The following CTNNA3 variants were observed in gnomAD, a reference collection of about 807,000 sequenced individuals.
The protein encoded by CTNNA3 is catenin alpha-3.
A neutral mutation model predicts 95.7 loss-of-function variants in CTNNA3; 76 were observed. The observed-to-expected ratio is 0.79, with a 90% CI of 0.66 to 0.96. CTNNA3 has a LOEUF of 0.96. Among genes scored for constraint, CTNNA3 ranks in the 40% least tolerant of loss-of-function variants. The pLI is 0.00. For missense variants in CTNNA3, 1,191 were observed against 1,089.8 expected (o/e 1.09, Z -1.31); for synonymous variants, 431 against 374.4 (o/e 1.15, Z -1.74).
At chr10:67,208,141 G>A (rs1407961571) in intron 6 of CTNNA3, among the ~76,000 whole-genome samples, 3 of 152,124 alleles carry the variant, frequency 2.0e-5, no homozygotes, top group Non-Finnish European at 2.9e-5. Context: ...TGGAGGCTGA[G>A]GTGGGTGGAT....
At chr10:66,768,307 T>C (rs979498910) in intron 8 of CTNNA3, among the ~76,000 whole-genome samples, 1 of 152,144 alleles carries the variant, frequency 6.6e-6, no homozygotes, top group African/African-American at 2.4e-5. Context: ...AGATATGCCA[T>C]GAAGGGCCAG....
intron 15 of CTNNA3, among the ~76,000 whole-genome samples, chr10:66,056,332 C>T (rs2080087031): frequency 1.3e-5 from 2 of 152,098 alleles, no homozygotes; most frequent in South Asian, 4.1e-4. Context: ...ATGTATCACA[C>T]TTATTGATTT....
chr10:66,689,190 G>T (rs35834193), intron 9 of CTNNA3, among the ~76,000 whole-genome samples: 6 of 151,850 alleles, frequency 4.0e-5, no homozygotes, highest in Non-Finnish European at 8.8e-5. Flanking sequence ...TAGGGCAGAG[G>T]GGGAATGAAG....
chr10:66,823,389 TAA>T (rs72085518), intron 7 of CTNNA3, among the ~76,000 whole-genome samples: 1,685 of 152,018 alleles, frequency 0.011, 43 homozygotes, highest in African/African-American at 0.039. Flanking sequence ...TTATGTGAAT[TAA>T]AAAAAAATTT....
At chr10:67,210,979 C>T (rs1478063449) in intron 6 of CTNNA3, among the ~76,000 whole-genome samples, 2 of 152,144 alleles carry the variant, frequency 1.3e-5, no homozygotes, top group South Asian at 2.1e-4. Context: ...CAAGAAAGCC[C>T]GACCTGTGTC....
At chr10:67,098,225 T>A (rs1221803223) in intron 7 of CTNNA3, 4 of 158,854 alleles carry the variant, frequency 2.5e-5, no homozygotes, top group African/African-American at 7.2e-5. Context: ...TTAACAAAAA[T>A]TATTTCTTGT....
At chr10:66,199,695 G>A (rs1346337233) in intron 13 of CTNNA3, among the ~76,000 whole-genome samples, 7 of 140,026 alleles carry the variant, frequency 5.0e-5, no homozygotes, top group East Asian at 2.1e-4. Context: ...TTCGCCTCCC[G>A]GGTTCAAGTG....
At chr10:67,454,376 C>A (rs1847094360) in intron 5 of CTNNA3, among the ~76,000 whole-genome samples, 1 of 152,050 alleles carries the variant, frequency 6.6e-6, no homozygotes, top group African/African-American at 2.4e-5. Flanking sequence ...ATGCTGAAAA[C>A]AAGTTATTCA....
chr10:66,005,062 C>T (rs1236492738), intron 15 of CTNNA3, among the ~76,000 whole-genome samples: 1 of 152,166 alleles, frequency 6.6e-6, no homozygotes, highest in Non-Finnish European at 1.5e-5. Context: ...TAGAAGCTGC[C>T]TGTATTCCTT....
chr10:66,783,651 C>T (rs994020033), intron 7 of CTNNA3, among the ~76,000 whole-genome samples: 1 of 152,036 alleles, frequency 6.6e-6, no homozygotes, highest in African/African-American at 2.4e-5. Flanking sequence ...CATATGGCAA[C>T]GACTTTGTCT....
intron 14 of CTNNA3, among the ~76,000 whole-genome samples, chr10:66,076,724 TATA>T (rs2080569796): frequency 6.6e-6 from 1 of 151,686 alleles, no homozygotes; most frequent in East Asian, 1.9e-4. Context: ...ATGTCTTAAA[TATA>T]ATAATGATAG....
intron 1 of CTNNA3, among the ~76,000 whole-genome samples, chr10:67,666,188 T>C (rs922730994): frequency 1.3e-4 from 20 of 152,302 alleles, no homozygotes; most frequent in African/African-American, 4.3e-4. Context: ...CCAGGTAGTG[T>C]CCAGTGGTGG....
At chr10:67,290,225 CT>C (rs1482893191) in intron 5 of CTNNA3, among the ~76,000 whole-genome samples, 1 of 152,084 alleles carries the variant, frequency 6.6e-6, no homozygotes, top group African/African-American at 2.4e-5. Context: ...GTAATACCTG[CT>C]TTTTTTATTT....
chr10:67,353,485 AT>A (rs1842708235), intron 5 of CTNNA3, among the ~76,000 whole-genome samples: 1 of 148,502 alleles, frequency 6.7e-6, no homozygotes, highest in South Asian at 2.1e-4. Context: ...TGCACGTTAC[AT>A]AGTCTTAAAG....
intron 9 of CTNNA3, among the ~76,000 whole-genome samples, chr10:66,631,404 T>C (rs1167951531): frequency 1.3e-5 from 2 of 152,172 alleles, no homozygotes; most frequent in East Asian, 1.9e-4. Context: ...AATTCAACTG[T>C]GTAATAAAAA....
rs138380118 is a variant in CTNNA3 at position 66,324,086 on chromosome 10, C to A, written c.1733-43465G>T. On this transcript the variant is annotated intron_variant, in intron 12 of 17. Transcript: ENST00000433211. ...CTTGAATTCCCAGCACTTTGGGAGG[C>A]TGAGGCAGGCAGATCATGAGGTCAG... is the stretch of plus-strand genomic sequence containing the variant. Among the ~76,000 whole-genome samples, 1,269 of 152,060 alleles carry A rather than the reference C, an allele frequency of 8.3e-3. 21 individuals are homozygous for A. The highest frequency in any genetic ancestry group is 0.028 in the African/African-American group (1,158 of 41,498).
At chr10:66,462,250 T>A (rs1416855565) in intron 11 of CTNNA3, among the ~76,000 whole-genome samples, 1 of 152,138 alleles carries the variant, frequency 6.6e-6, no homozygotes, top group South Asian at 2.1e-4. Flanking sequence ...ACATGCTACT[T>A]ATTGACAGGA....
At chr10:67,234,450 A>C (rs955325071) in intron 5 of CTNNA3, among the ~76,000 whole-genome samples, 2 of 152,230 alleles carry the variant, frequency 1.3e-5, no homozygotes, top group Non-Finnish European at 2.9e-5. Flanking sequence ...AAGGCCTTTG[A>C]CAAAATTCAA....
intron 7 of CTNNA3, among the ~76,000 whole-genome samples, chr10:67,167,850 C>T (rs532848031): frequency 2.9e-4 from 44 of 152,200 alleles, no homozygotes; most frequent in South Asian, 4.1e-4. Flanking sequence ...TAGAGGTTAT[C>T]GGCCGAGTAT....
Sources: allele counts gnomAD v4.1 joint callset (sites outside exome capture counted in the v4.1 genomes callset), GRCh38; gene constraint gnomAD v4.1.1; transcripts MANE v1.5; gene names NCBI Gene and HGNC (gene_info 2026-07-23, HGNC 2026-07-21).